The following PCDHA2 variants were observed in gnomAD, a reference collection of about 807,000 sequenced individuals.
PCDHA2 encodes the protein protocadherin alpha-2.
A neutral mutation model predicts 66.0 loss-of-function variants in PCDHA2; 58 were observed. The ratio of observed to expected loss-of-function variants is 0.88; its 90% CI spans 0.71 to 1.09. The LOEUF is 1.09. Ranked by LOEUF, PCDHA2 falls within the 50% of genes least tolerant of loss-of-function variation. The pLI, the probability that PCDHA2 is intolerant of heterozygous loss-of-function variation, is 0.00. For synonymous variants in PCDHA2, 634 were observed against 554.0 expected (o/e 1.14, Z -2.03); for missense variants, 1,267 against 1,242.3 (o/e 1.02, Z -0.30).
At chr5:140,819,720 A>G (rs1477591315) in intron 1 of PCDHA2, among the ~76,000 whole-genome samples, 2 of 152,136 alleles carry the variant, frequency 1.3e-5, no homozygotes, top group Non-Finnish European at 2.9e-5. Context: ...ATATAATTTA[A>G]CAGATATGAA....
Position 140,850,461 on chromosome 5 carries a change from G to T in PCDHA2, c.2388+53109G>T. Reference sequence around the variant, plus strand: ...ACTGGTGCTGGTGAAAGACCACGGGGAGCCAGCGCTGACGGCCACGGCCAC... The same window carrying T: ...ACTGGTGCTGGTGAAAGACCACGGGTAGCCAGCGCTGACGGCCACGGCCAC... On this transcript the variant is annotated intron_variant, in intron 1 of 3. Transcript: ENST00000526136. The T allele has an allele frequency of 1.9e-6, 3 of 1,598,002 alleles. No individual in the cohort carries two copies. The East Asian group carries it at 6.7e-5, about 36-fold the overall frequency.
intron 1 of PCDHA2, among the ~76,000 whole-genome samples, chr5:140,962,908 C>G (rs2095718284): frequency 1.3e-5 from 2 of 152,146 alleles, no homozygotes. Context: ...AGCTCCTTCC[C>G]TATTTGACAG....
intron 1 of PCDHA2, chr5:140,835,766 G>C: frequency 6.2e-7 from 1 of 1,613,388 alleles, no homozygotes. Flanking sequence ...CCGAGTATAC[G>C]GTGTTCGTGA....
At chr5:140,877,522 G>T in intron 1 of PCDHA2, 1 of 1,613,798 alleles carries the variant, frequency 6.2e-7, no homozygotes, top group Non-Finnish European at 8.5e-7. Context: ...GCGGGCCTCA[G>T]TGGGCGCTGT....
chr5:140,960,293 T>C (rs990761387), intron 1 of PCDHA2, among the ~76,000 whole-genome samples: 5 of 152,174 alleles, frequency 3.3e-5, no homozygotes, highest in Non-Finnish European at 7.3e-5. Flanking sequence ...ACCCAGTTTC[T>C]TCATCAATAC....
Position 140,795,609 on chromosome 5 carries a change from T to C in PCDHA2, c.645T>C (p.Thr215=). The C allele has an allele frequency of 6.2e-7, 1 of 1,614,208 alleles. No homozygotes were observed. The change falls in exon 1 of 4, where the codon ACT becomes ACC. Residue 215 remains threonine (T), a synonymous_variant. Transcript: ENST00000526136. ...TAEVNLLLVA[T]DGGKPELTGT... ...AGGTTAATTTGTTACTGGTGGCTAC[T>C]GATGGGGGCAAACCTGAGCTCACGG...
chr5:140,821,669 C>A, intron 1 of PCDHA2: 2 of 1,272,360 alleles, frequency 1.6e-6, no homozygotes, highest in Non-Finnish European at 1.1e-6. Flanking sequence ...TGCCAAGAAG[C>A]TCAGAAAGGC....
intron 1 of PCDHA2, among the ~76,000 whole-genome samples, chr5:140,977,949 G>A (rs919613337): frequency 2.6e-5 from 4 of 152,036 alleles, no homozygotes; most frequent in Admixed American, 6.6e-5. Context: ...TTCAGTGACA[G>A]GGCCACCTCA....
intron 1 of PCDHA2, among the ~76,000 whole-genome samples, chr5:140,961,237 G>A (rs1170465013): frequency 1.3e-5 from 2 of 152,136 alleles, no homozygotes; most frequent in African/African-American, 4.8e-5. Context: ...AAAAGGTGAT[G>A]GAATTTATCC....
At chr5:140,984,975 T>A (rs571343368) in intron 3 of PCDHA2, among the ~76,000 whole-genome samples, 1 of 152,128 alleles carries the variant, frequency 6.6e-6, no homozygotes, top group Admixed American at 6.5e-5. Flanking sequence ...TCTCGCTCTG[T>A]CCCCCAGGCT....
chr5:140,884,692 G>A, intron 1 of PCDHA2: 7 of 1,528,834 alleles, frequency 4.6e-6, no homozygotes, highest in Non-Finnish European at 6.1e-6. Context: ...AATTGTCTTA[G>A]TAAACACTTT....
chr5:140,833,054 T>C (rs1193790961), intron 1 of PCDHA2, among the ~76,000 whole-genome samples: 1 of 152,118 alleles, frequency 6.6e-6, no homozygotes. Context: ...AGAAAAGTAA[T>C]ATGAGAAAAA....
intron 1 of PCDHA2, among the ~76,000 whole-genome samples, chr5:140,920,866 A>G (rs1584205398): frequency 6.6e-6 from 1 of 151,760 alleles, no homozygotes; most frequent in African/African-American, 2.4e-5. Context: ...AAACAAACAA[A>G]CTGTGGCCCT....
intron 1 of PCDHA2, among the ~76,000 whole-genome samples, chr5:140,821,387 T>G (rs1380129357): frequency 1.3e-5 from 2 of 152,218 alleles, no homozygotes; most frequent in African/African-American, 4.8e-5. Context: ...ATGACGCACT[T>G]ATATTGACGC....
chr5:140,821,665 G>A, intron 1 of PCDHA2: 1 of 1,236,776 alleles, frequency 8.1e-7, no homozygotes, highest in Non-Finnish European at 1.1e-6. Flanking sequence ...GCTGTGCCAA[G>A]AAGCTCAGAA....
chr5:140,876,716 G>C lies in PCDHA2; in HGVS notation c.2388+79364G>C, dbSNP rs374218090. On this transcript the variant is annotated intron_variant, in intron 1 of 3. Coordinates refer to ENST00000526136, the MANE Select transcript of PCDHA2 (RefSeq NM_018905.3). ...TTGGTGCTGGACAGCGCCCTGGACC[G>C]CGAGAGCGTGTCGGCCTATGAGCTG... 135 of 1,614,132 alleles carry C rather than the reference G, an allele frequency of 8.4e-5. No homozygotes were observed. In the Middle Eastern group the frequency reaches 2.5e-3, roughly 29 times the overall value.
At chr5:140,822,855 G>C (rs782705160) in intron 1 of PCDHA2, 1 of 1,614,216 alleles carries the variant, frequency 6.2e-7, no homozygotes, top group Non-Finnish European at 8.5e-7. Flanking sequence ...CTGTCAAAGA[G>C]GACGCTCCAC....
chr5:140,815,356 C>T (rs1194685534), intron 1 of PCDHA2: 1 of 151,876 alleles, frequency 6.6e-6, no homozygotes, highest in Non-Finnish European at 1.5e-5. Context: ...GTATATCTTC[C>T]ATAGGTATTT....
At chr5:140,871,443 T>C (rs1192118860) in intron 1 of PCDHA2, 13 of 1,610,650 alleles carry the variant, frequency 8.1e-6, no homozygotes, top group African/African-American at 1.3e-5. Flanking sequence ...TAGGTCTGAA[T>C]AAAGAGGAGG....
Sources: gnomAD v4.1 joint callset for allele counts (sites outside exome capture counted in the v4.1 genomes callset) on GRCh38, gnomAD v4.1.1 for gene constraint, MANE v1.5 for transcripts, NCBI Gene and HGNC (gene_info 2026-07-23, HGNC 2026-07-21) for gene names.